The following GRIK2 variants were observed in gnomAD, a reference collection of about 807,000 sequenced individuals.
GRIK2 encodes the protein glutamate ionotropic receptor kainate type subunit 2.
In GRIK2, 32 loss-of-function variants were observed where a neutral mutation model predicts 100.3. That is an observed-to-expected ratio of 0.32 (90% CI 0.24 to 0.43). The LOEUF is 0.43. Among genes scored for constraint, GRIK2 ranks in the 20% least tolerant of loss-of-function variants. The probability of loss-of-function intolerance (pLI) is 1.00; values close to 1 mark genes in which losing one functional copy is unlikely to be tolerated. For synonymous variants in GRIK2, 417 were observed against 389.4 expected, an observed-to-expected ratio of 1.07 and a Z score of -0.83; for missense variants, 843 against 1,114.9, an observed-to-expected ratio of 0.76 and a Z score of 3.47.
At chr6:101,991,309 T>G (rs1794360990) in intron 14 of GRIK2, among the ~76,000 whole-genome samples, 1 of 151,466 alleles carries the variant, frequency 6.6e-6, no homozygotes, top group Admixed American at 6.6e-5. Context: ...CTTGAAGAAG[T>G]TTAGTAACTT....
In GRIK2 at chr6:101,758,980, T is replaced by C. The variant is rs536309456; in HGVS notation, c.952-40668T>C. Among the ~76,000 whole-genome samples the C allele has an allele frequency of 2.8e-3, 423 of 152,256 alleles. 1 individual carries two copies. Among genetic ancestry groups the C allele is most frequent in the African/African-American group, 9.8e-3 (409 of 41,558 alleles). On this transcript the variant is annotated intron_variant, in intron 7 of 16. Transcript: ENST00000369134. ...TGGCTAAAATATTTTAAACTGTAAGTGAAAGTATTTTGCATTCAGGGAAAA... is the reference window on the plus strand; with the variant it reads ...TGGCTAAAATATTTTAAACTGTAAGCGAAAGTATTTTGCATTCAGGGAAAA...
At chr6:101,792,318 T>G (rs902958179) in intron 7 of GRIK2, among the ~76,000 whole-genome samples, 1 of 152,170 alleles carries the variant, frequency 6.6e-6, no homozygotes, top group Non-Finnish European at 1.5e-5. Flanking sequence ...GTCTTTACGT[T>G]TTGGCATGAT....
intron 11 of GRIK2, among the ~76,000 whole-genome samples, chr6:101,868,171 A>C (rs1311600844): frequency 4.6e-5 from 7 of 151,476 alleles, no homozygotes; most frequent in African/African-American, 1.7e-4. Flanking sequence ...CAGAGCATTG[A>C]AACTTTTCCT....
At position 101,917,148 on chromosome 6, in the gene GRIK2, G is replaced by A. The variant is rs932971016; in HGVS notation, c.1749-7453G>A. On this transcript the variant is annotated intron_variant, in intron 12 of 16. Coordinates refer to ENST00000369134, the MANE Select transcript of GRIK2 (RefSeq NM_021956.5). ...CTGGCCCTTCTCAGGCCATTTATGG[G>A]TTAAACTAATAGTAATTTCATACCC... 2.0e-5 allele frequency among the ~76,000 whole-genome samples: 3 copies of A among 151,706 alleles called. No individual in the cohort carries two copies. In the South Asian group the frequency reaches 6.2e-4, roughly 31 times the overall value.
chr6:101,686,057 A>T, intron 6 of GRIK2, 123 bp from the exon 7 acceptor site: 1 of 613,988 alleles, frequency 1.6e-6, no homozygotes, highest in Non-Finnish European at 2.9e-6. Flanking sequence ...TGTGATGTTT[A>T]ACGTCACTTG....
At chr6:101,602,919 TG>T (rs1779289099) in intron 2 of GRIK2, among the ~76,000 whole-genome samples, 1 of 151,724 alleles carries the variant, frequency 6.6e-6, no homozygotes, top group Admixed American at 6.6e-5. Context: ...CAAACAGAAT[TG>T]TTTTTTGGAA....
chr6:102,013,599 A>G (rs1047525285), intron 14 of GRIK2, among the ~76,000 whole-genome samples: 1 of 152,110 alleles, frequency 6.6e-6, no homozygotes, highest in Non-Finnish European at 1.5e-5. Flanking sequence ...ATTTTAAGGT[A>G]TGTTGCTTCA....
At chr6:101,554,606 A>G (rs1424251203) in intron 2 of GRIK2, among the ~76,000 whole-genome samples, 1 of 152,210 alleles carries the variant, frequency 6.6e-6, no homozygotes, top group East Asian at 1.9e-4. Context: ...CAAACTCTGG[A>G]TATATCACTA....
intron 4 of GRIK2, among the ~76,000 whole-genome samples, chr6:101,631,853 A>T (rs953810601): frequency 6.6e-5 from 10 of 151,982 alleles, no homozygotes; most frequent in African/African-American, 2.4e-4. Flanking sequence ...TAATTTTTTT[A>T]AAAATGCAAT....
intron 10 of GRIK2, among the ~76,000 whole-genome samples, chr6:101,841,279 G>T (rs1238532885): frequency 6.6e-6 from 1 of 152,238 alleles, no homozygotes; most frequent in East Asian, 1.9e-4. Context: ...ATAGATTTTA[G>T]AGGATACTGG....
At chr6:101,763,499 G>A (rs954479543) in intron 7 of GRIK2, among the ~76,000 whole-genome samples, 2 of 152,170 alleles carry the variant, frequency 1.3e-5, no homozygotes, top group Admixed American at 6.5e-5. Context: ...CTATGTGGAA[G>A]TTAGCATCTT....
chr6:101,556,239 T>G (rs1459422440), intron 2 of GRIK2, among the ~76,000 whole-genome samples: 1 of 151,216 alleles, frequency 6.6e-6, no homozygotes, highest in Non-Finnish European at 1.5e-5. Flanking sequence ...GTAGGGTTAT[T>G]AGCAGATTTC....
chr6:101,820,832 C>A (rs2128423170), intron 10 of GRIK2, among the ~76,000 whole-genome samples: 1 of 152,280 alleles, frequency 6.6e-6, no homozygotes, highest in East Asian at 1.9e-4. Flanking sequence ...AAATCTTTGA[C>A]AGCTCCATTA....
intron 5 of GRIK2, among the ~76,000 whole-genome samples, 157 bp downstream of exon 5, chr6:101,676,961 T>C (rs192391420): frequency 6.6e-6 from 1 of 152,274 alleles, no homozygotes. Flanking sequence ...TAATTAATTG[T>C]CTTAAAAGAA....
At chr6:101,883,667 A>G (rs964599244) in intron 11 of GRIK2, among the ~76,000 whole-genome samples, 2 of 152,126 alleles carry the variant, frequency 1.3e-5, no homozygotes, top group Non-Finnish European at 2.9e-5. Flanking sequence ...TGCGAAAGTG[A>G]CATCAAAGCA....
intron 14 of GRIK2, among the ~76,000 whole-genome samples, chr6:101,942,961 A>G (rs963104794): frequency 6.6e-6 from 1 of 152,188 alleles, no homozygotes; most frequent in Non-Finnish European, 1.5e-5. Flanking sequence ...AAATGTCTCC[A>G]AGGCATTTCA....
intron 2 of GRIK2, among the ~76,000 whole-genome samples, chr6:101,459,463 C>T (rs1771182313): frequency 6.6e-6 from 1 of 152,148 alleles, no homozygotes; most frequent in Non-Finnish European, 1.5e-5. Context: ...TCTTTGTTAG[C>T]ATATTCACAG....
At chr6:101,480,175 A>C (rs932232843) in intron 2 of GRIK2, among the ~76,000 whole-genome samples, 2 of 152,170 alleles carry the variant, frequency 1.3e-5, no homozygotes, top group Non-Finnish European at 2.9e-5. Context: ...GTTATGGATC[A>C]CTTCAACTCA....
At chr6:101,834,432 TC>T (rs1183771151) in intron 10 of GRIK2, among the ~76,000 whole-genome samples, 1 of 152,154 alleles carries the variant, frequency 6.6e-6, no homozygotes, top group African/African-American at 2.4e-5. Context: ...ATTTAAGTAC[TC>T]CATTTATTTA....
Sources: allele counts gnomAD v4.1 joint callset (sites outside exome capture counted in the v4.1 genomes callset), GRCh38; gene constraint gnomAD v4.1.1; transcripts MANE v1.5; gene names NCBI Gene and HGNC (gene_info 2026-07-23, HGNC 2026-07-21).